The following VAV3 variants were observed in gnomAD, a reference collection of about 807,000 sequenced individuals.
The protein encoded by VAV3 is guanine nucleotide exchange factor VAV3.
Under a neutral mutation model 131.2 loss-of-function variants are expected in VAV3, and 94 were observed. That is an observed-to-expected ratio of 0.72 (90% CI 0.61 to 0.85). The LOEUF (loss-of-function observed/expected upper bound fraction) is 0.85, where lower values mean the gene tolerates loss of function less well. Ranked by LOEUF, VAV3 falls within the 40% of genes least tolerant of loss-of-function variation. The probability of loss-of-function intolerance (pLI) is 0.00; values close to 1 mark genes in which losing one functional copy is unlikely to be tolerated. For synonymous variants in VAV3, 349 were observed against 342.0 expected (o/e 1.02, Z -0.22); for missense variants, 939 against 1,002.7 (o/e 0.94, Z 0.86).
intron 1 of VAV3, among the ~76,000 whole-genome samples, chr1:107,943,933 C>G (rs1319402266): frequency 6.6e-6 from 1 of 152,224 alleles, no homozygotes; most frequent in East Asian, 1.9e-4. Context: ...AGCCCACCCA[C>G]AAAGCCCAGC....
intron 19 of VAV3, among the ~76,000 whole-genome samples, chr1:107,650,202 T>A (rs1656052775): frequency 6.6e-6 from 1 of 152,122 alleles, no homozygotes; most frequent in South Asian, 2.1e-4. Context: ...TTAAACTTGA[T>A]AATAGGCAGT....
intron 1 of VAV3, among the ~76,000 whole-genome samples, chr1:107,941,307 T>C (rs1479981249): frequency 6.6e-6 from 1 of 152,198 alleles, no homozygotes; most frequent in Non-Finnish European, 1.5e-5. Flanking sequence ...AGTAGAGTCA[T>C]CATCTTCACA....
intron 17 of VAV3, among the ~76,000 whole-genome samples, chr1:107,699,571 A>G (rs1485362981): frequency 6.6e-6 from 1 of 151,822 alleles, no homozygotes; most frequent in African/African-American, 2.4e-5. Context: ...GGCAGTGGGG[A>G]CTCTGTGTGG....
rs1248759131 is a variant in VAV3, at chr1:107,642,711, G to A, written c.1822C>T (p.Pro608Ser). The A allele has an allele frequency of 4.3e-6, 7 of 1,613,342 alleles. No individual in the cohort carries two copies. Among genetic ancestry groups the A allele is most frequent in the African/African-American group, 4.0e-5 (3 of 74,838 alleles). ...GGGGGTCCTTCATGCAGAGCTGGGG[G>A]TGGTGTTCCAGAATAGTTCCTAATG... ...QVIRNYSGTP[P>S]PALHEGPPLQ... The change falls in exon 20 of 27, where the codon CCC becomes TCC. Residue 608 changes from proline to serine, a missense_variant. Coordinates refer to ENST00000370056, the MANE Select transcript of VAV3 (RefSeq NM_006113.5).
In VAV3 at chr1:107,688,239, C is replaced by T. The variant is rs1371537380; in HGVS notation, c.1731+142G>A. On this transcript the variant is annotated intron_variant, in intron 18 of 26. Transcript: ENST00000370056. ...TTAACTTTTGCATTTTGTTCACAAT[C>T]ACTTGGTTGTTCCCTCTGTTTCTGT... 4 of 1,063,006 alleles carry T rather than the reference C, an allele frequency of 3.8e-6. No individual in the cohort carries two copies. The East Asian group carries it at 1.1e-4, about 28-fold the overall frequency. 65.8% of individuals were successfully genotyped at this position (1,063,006 alleles called of 1,614,324 possible).
intron 1 of VAV3, among the ~76,000 whole-genome samples, chr1:107,934,240 G>T (rs1366604957): frequency 6.6e-6 from 1 of 152,086 alleles, no homozygotes; most frequent in Non-Finnish European, 1.5e-5. Flanking sequence ...TGAAAATATT[G>T]CAAAACCCAA....
At chr1:107,600,103 G>A (rs1651726134) in intron 24 of VAV3, among the ~76,000 whole-genome samples, 2 of 151,946 alleles carry the variant, frequency 1.3e-5, no homozygotes, top group Non-Finnish European at 2.9e-5. Context: ...TCTATGGTGA[G>A]GTTCTTGGTG....
chr1:107,891,796 G>A (rs1461012777), intron 1 of VAV3, among the ~76,000 whole-genome samples: 1 of 137,236 alleles, frequency 7.3e-6, no homozygotes, highest in African/African-American at 2.8e-5. Flanking sequence ...CGGAGACCGC[G>A]CCATTGCAGT....
In VAV3 at chr1:107,751,212, A is replaced by T. The variant is rs1229650452; in HGVS notation, c.1174-10T>A. On this transcript the variant is annotated splice_polypyrimidine_tract_variant and intron_variant, in intron 12 of 26. Coordinates refer to ENST00000370056, the MANE Select transcript of VAV3 (RefSeq NM_006113.5). ...GCAAAACTGGTTGGTTCTAAAATAT[A>T]AAATGCACATGTCAGAGTTTTTCAT... 6.2e-7 allele frequency: 1 copy of T among 1,602,758 alleles called. No individual in the cohort carries two copies. Among genetic ancestry groups the T allele is most frequent in the Admixed American group, 1.7e-5 (1 of 57,466 alleles).
intron 2 of VAV3, among the ~76,000 whole-genome samples, chr1:107,848,112 G>C (rs1266474548): frequency 6.6e-6 from 1 of 152,080 alleles, no homozygotes; most frequent in Non-Finnish European, 1.5e-5. Context: ...AGGAGATCAA[G>C]ACCATCCTGG....
At chr1:107,831,473 G>C (rs761192407) in intron 2 of VAV3, among the ~76,000 whole-genome samples, 3 of 152,100 alleles carry the variant, frequency 2.0e-5, no homozygotes, top group African/African-American at 4.8e-5. Flanking sequence ...ATATTGCAAT[G>C]TTTATTCCCA....
intron 2 of VAV3, among the ~76,000 whole-genome samples, chr1:107,859,708 G>A (rs906547922): frequency 6.6e-6 from 1 of 152,020 alleles, no homozygotes; most frequent in Admixed American, 6.6e-5. Flanking sequence ...ATCACCTTTG[G>A]TAGATCATCA....
chr1:107,583,234 T>C (rs956876491), intron 25 of VAV3, among the ~76,000 whole-genome samples: 7 of 152,288 alleles, frequency 4.6e-5, no homozygotes, highest in Non-Finnish European at 1.0e-4. Context: ...TCTGTTCATG[T>C]CCTTTGCCCA....
intron 2 of VAV3, among the ~76,000 whole-genome samples, chr1:107,867,218 T>C (rs1670029908): frequency 6.6e-6 from 1 of 152,218 alleles, no homozygotes; most frequent in Admixed American, 6.5e-5. Context: ...TTGGGAAATA[T>C]TATTCCAGAA....
At chr1:107,696,633 T>C (rs2101810320) in intron 17 of VAV3, among the ~76,000 whole-genome samples, 1 of 152,296 alleles carries the variant, frequency 6.6e-6, no homozygotes, top group South Asian at 2.1e-4. Context: ...AAAGTATGGG[T>C]GAATTTCAAA....
chr1:107,777,233 TATTAA>T lies in VAV3; in HGVS notation c.439_443del (p.Leu147ArgfsTer2). ...TTTGCTTGAAATTTTCAACATACTC[TATTAA>T]ATCAGGAAGGCCTTTGTAGATGTCT... On this transcript the variant is annotated frameshift_variant, in exon 4 of 27. Coordinates refer to ENST00000370056, the MANE Select transcript of VAV3 (RefSeq NM_006113.5). LOFTEE classifies it high-confidence loss of function. 1 of 1,613,946 alleles carries T rather than the reference TATTAA, an allele frequency of 6.2e-7. No individual in the cohort carries two copies.
At chr1:107,946,464 C>T (rs772279641) in intron 1 of VAV3, among the ~76,000 whole-genome samples, 4 of 152,100 alleles carry the variant, frequency 2.6e-5, no homozygotes, top group Non-Finnish European at 5.9e-5. Context: ...GCTTTTTGTC[C>T]ACTAGAACTG....
At chr1:107,961,067 C>T (rs928523416) in intron 1 of VAV3, among the ~76,000 whole-genome samples, 162 of 152,168 alleles carry the variant, frequency 1.1e-3, no homozygotes, top group African/African-American at 3.8e-3. Flanking sequence ...TCTAAAACAG[C>T]GCCTGGAACA....
chr1:107,754,299 G>A lies in VAV3; in HGVS notation c.1173+1128C>T, dbSNP rs528564022. ...TGGAAATGCAACTATATGAAGAGAT[G>A]ATGAGAGGCTACTGTGACTGGAAAA... is the stretch of plus-strand genomic sequence containing the variant. On this transcript the variant is annotated intron_variant, in intron 12 of 26. Coordinates refer to ENST00000370056, the MANE Select transcript of VAV3 (RefSeq NM_006113.5). Among the ~76,000 whole-genome samples the A allele has an allele frequency of 2.2e-4, 34 of 152,276 alleles. 1 individual carries two copies. The South Asian group carries it at 4.4e-3, about 19-fold the overall frequency.
Sources: allele counts gnomAD v4.1 joint callset (sites outside exome capture counted in the v4.1 genomes callset), GRCh38; gene constraint gnomAD v4.1.1; transcripts MANE v1.5; gene names NCBI Gene and HGNC (gene_info 2026-07-23, HGNC 2026-07-21).